TJP1: variants seen among roughly 807,000 people sequenced by gnomAD.
TJP1 encodes tight junction protein 1.
TJP1 carries 43 observed loss-of-function variants against 194.2 expected under a neutral mutation model. The observed-to-expected ratio is 0.22, with a 90% confidence interval of 0.17 to 0.29. The LOEUF is 0.29. Ranked by LOEUF, TJP1 falls within the 10% of genes least tolerant of loss-of-function variation. TJP1 has a pLI of 1.00. For missense variants in TJP1, 1,971 were observed against 2,185.7 expected, an observed-to-expected ratio of 0.90 and a Z score of 1.96; for synonymous variants, 801 against 779.0, an observed-to-expected ratio of 1.03 and a Z score of -0.47.
At chr15:29,893,791 A>G (rs1345928555) in intron 2 of TJP1, among the ~76,000 whole-genome samples, 1 of 152,178 alleles carries the variant, frequency 6.6e-6, no homozygotes, top group Non-Finnish European at 1.5e-5. Context: ...CTGCATTGTG[A>G]TATTTGCTTT....
At chr15:29,733,956 T>G (rs891524502) in intron 12 of TJP1, among the ~76,000 whole-genome samples, 1 of 152,208 alleles carries the variant, frequency 6.6e-6, no homozygotes. Flanking sequence ...GTACAAAATC[T>G]GAAAGCTGCT....
Position 29,800,756 on chromosome 15 carries a change from T to C in TJP1, c.28-54A>G, listed in dbSNP as rs533082513. 29 of 1,567,126 alleles carry C rather than the reference T, an allele frequency of 1.9e-5. 1 individual carries two copies. The South Asian group carries it at 3.0e-4, about 16-fold the overall frequency. ...TTACCTTTTAAGAAAATGTCCTTAA[T>C]AAGGTGAGCAAGAACATCCAACAAT... On this transcript the variant is annotated intron_variant, in intron 1 of 27. Coordinates refer to ENST00000614355, the MANE Select transcript of TJP1 (RefSeq NM_001330239.4).
At chr15:29,781,477 C>T (rs1357688693) in intron 2 of TJP1, among the ~76,000 whole-genome samples, 1 of 152,138 alleles carries the variant, frequency 6.6e-6, no homozygotes, top group Non-Finnish European at 1.5e-5. Context: ...ATGAGGTCAG[C>T]ATCATCCTGA....
Position 29,963,072 on chromosome 15 carries a change from C to T in TJP1, c.173+5595G>A, listed in dbSNP as rs1410931709. On this transcript the variant is annotated intron_variant, in intron 1 of 28. Transcript: ENST00000356107. ...AGAAGAATCACTTGCACCCGGGAGG[C>T]GGAGGTTGCAGTGAGCTGAGATCGC... Among the ~76,000 whole-genome samples the T allele has an allele frequency of 3.9e-5, 6 of 152,244 alleles. No homozygotes were observed. The East Asian group carries it at 7.7e-4, about 20-fold the overall frequency.
intron 1 of TJP1, among the ~76,000 whole-genome samples, chr15:29,802,720 A>C (rs2048869130): frequency 6.6e-6 from 1 of 152,192 alleles, no homozygotes; most frequent in Admixed American, 6.5e-5. Flanking sequence ...AAGAGTTGCC[A>C]GTTTGTCCAA....
chr15:29,734,141 A>C (rs2063869970), intron 12 of TJP1, 133 bp downstream of exon 12: 2 of 610,178 alleles, frequency 3.3e-6, no homozygotes, highest in African/African-American at 3.8e-5. Flanking sequence ...AGAATTACAT[A>C]ACTTTCTTTG....
intron 8 of TJP1, among the ~76,000 whole-genome samples, chr15:29,752,869 T>C (rs779235938): frequency 1.1e-4 from 17 of 152,238 alleles, no homozygotes; most frequent in Non-Finnish European, 2.4e-4. Context: ...TCTTATGATG[T>C]AGCCACATGG....
chr15:29,940,544 CAATTT>C (rs2055035874), intron 2 of TJP1, among the ~76,000 whole-genome samples: 1 of 152,134 alleles, frequency 6.6e-6, no homozygotes. Flanking sequence ...CAAATACAAC[CAATTT>C]TCTATCTATA....
At chr15:29,775,774 A>C (rs544642258) in intron 2 of TJP1, among the ~76,000 whole-genome samples, 58 of 152,336 alleles carry the variant, frequency 3.8e-4, no homozygotes, top group Non-Finnish European at 7.6e-4. Context: ...ACAAATTCAA[A>C]TAAATTTGAA....
chr15:29,915,752 C>G (rs2054163665), intron 2 of TJP1, among the ~76,000 whole-genome samples: 1 of 151,838 alleles, frequency 6.6e-6, no homozygotes, highest in South Asian at 2.1e-4. Context: ...TATTGAAGAT[C>G]ATTTCAAAAA....
chr15:29,810,687 T>C (rs1415291405), intron 1 of TJP1, among the ~76,000 whole-genome samples: 1 of 152,068 alleles, frequency 6.6e-6, no homozygotes, highest in Non-Finnish European at 1.5e-5. Flanking sequence ...TATAAAGGGG[T>C]ACACAGAGTT....
At chr15:29,892,863 CAT>C (rs2053357381) in intron 2 of TJP1, among the ~76,000 whole-genome samples, 1 of 152,180 alleles carries the variant, frequency 6.6e-6, no homozygotes, top group Non-Finnish European at 1.5e-5. Context: ...TGACTGCTAA[CAT>C]AATATCCATG....
chr15:29,740,210 C>T (rs1329183108), intron 10 of TJP1, among the ~76,000 whole-genome samples: 1 of 151,630 alleles, frequency 6.6e-6, no homozygotes, highest in South Asian at 2.1e-4. Context: ...CTCCTGACCT[C>T]GTGATTCGCC....
chr15:29,780,978 C>CA (rs1204087168), intron 2 of TJP1, among the ~76,000 whole-genome samples: 3 of 151,544 alleles, frequency 2.0e-5, no homozygotes, highest in African/African-American at 4.9e-5. Context: ...TAGCAGAAGA[C>CA]AAAAAATAAC....
chr15:29,869,588 TA>T (rs1484691741), intron 2 of TJP1, among the ~76,000 whole-genome samples: 1 of 152,100 alleles, frequency 6.6e-6, no homozygotes, highest in Non-Finnish European at 1.5e-5. Flanking sequence ...TCATCCTTCC[TA>T]CTGTGGTCAA....
intron 5 of TJP1, among the ~76,000 whole-genome samples, chr15:29,762,721 C>T (rs2046086365): frequency 6.6e-6 from 1 of 152,118 alleles, no homozygotes; most frequent in African/African-American, 2.4e-5. Context: ...GACACCATTT[C>T]TTTTTGACCA....
At chr15:29,728,183 C>G (rs1398304198) in intron 15 of TJP1, 164 bp from the exon 16 acceptor site, 1 of 447,880 alleles carries the variant, frequency 2.2e-6, no homozygotes, top group Admixed American at 4.1e-5. Flanking sequence ...ATGCATACTT[C>G]CCTTTTTTTT....
intron 2 of TJP1, among the ~76,000 whole-genome samples, chr15:29,927,814 G>C (rs2054572475): frequency 6.6e-6 from 1 of 152,130 alleles, no homozygotes; most frequent in Non-Finnish European, 1.5e-5. Flanking sequence ...CCGAAAGCCA[G>C]GGAGCTTGGT....
intron 2 of TJP1, among the ~76,000 whole-genome samples, chr15:29,863,044 G>C (rs1484121606): frequency 3.3e-5 from 5 of 151,234 alleles, no homozygotes; most frequent in Non-Finnish European, 7.4e-5. Flanking sequence ...CCTATAATCC[G>C]AGCACTTTGG....
Sources: gnomAD v4.1 joint callset for allele counts (sites outside exome capture counted in the v4.1 genomes callset) on GRCh38, gnomAD v4.1.1 for gene constraint, MANE v1.5 for transcripts, NCBI Gene and HGNC (gene_info 2026-07-23, HGNC 2026-07-21) for gene names.